MARCHF4: variants seen among roughly 807,000 people sequenced by gnomAD.
MARCHF4 encodes membrane associated ring-CH-type finger 4, also known as E3 ubiquitin-protein ligase MARCHF4.
Under a neutral mutation model 43.9 loss-of-function variants are expected in MARCHF4, and 14 were observed. That is an observed-to-expected ratio of 0.32 (90% confidence interval 0.21 to 0.50). The LOEUF is 0.50. Ranked by LOEUF, MARCHF4 falls within the 20% of genes least tolerant of loss-of-function variation. The pLI is 0.98. For missense variants in MARCHF4, 468 were observed against 536.7 expected, an observed-to-expected ratio of 0.87 and a Z score of 1.27; for synonymous variants, 226 against 213.3, an observed-to-expected ratio of 1.06 and a Z score of -0.52.
intron 1 of MARCHF4, among the ~76,000 whole-genome samples, chr2:216,348,732 T>C (rs1044313090): frequency 1.3e-5 from 2 of 152,234 alleles, no homozygotes; most frequent in Non-Finnish European, 2.9e-5. Context: ...TTGCCCTGAA[T>C]TATTTCTTGC....
chr2:216,326,091 A>C (rs1410225162), intron 1 of MARCHF4, among the ~76,000 whole-genome samples: 1 of 144,432 alleles, frequency 6.9e-6, no homozygotes, highest in African/African-American at 2.5e-5. Context: ...CAGAATCTAC[A>C]ATGAACTCAA....
chr2:216,335,078 A>G (rs958236534), intron 1 of MARCHF4, among the ~76,000 whole-genome samples: 2 of 152,232 alleles, frequency 1.3e-5, no homozygotes, highest in Non-Finnish European at 2.9e-5. Context: ...CAGAAAATCT[A>G]TATAGCTCAC....
At chr2:216,350,294 C>G in intron 1 of MARCHF4, among the ~76,000 whole-genome samples, 1 of 130,832 alleles carries the variant, frequency 7.6e-6, no homozygotes, top group Middle Eastern at 3.8e-3. Flanking sequence ...CTGTGCTACA[C>G]CCCCTCACTG....
At chr2:216,277,939 G>T in intron 2 of MARCHF4, 75 bp from the exon 3 acceptor site, 1 of 1,332,552 alleles carries the variant, frequency 7.5e-7, no homozygotes, top group Non-Finnish European at 1.0e-6. Flanking sequence ...TCTGTCTGCT[G>T]CTCCAACAGC....
chr2:216,318,711 G>A (rs1270460228), intron 1 of MARCHF4, among the ~76,000 whole-genome samples: 1 of 152,118 alleles, frequency 6.6e-6, no homozygotes, highest in African/African-American at 2.4e-5. Flanking sequence ...TCAGAGAGGT[G>A]CCAGGGGCTC....
At chr2:216,337,725 T>C (rs1692179469) in intron 1 of MARCHF4, among the ~76,000 whole-genome samples, 1 of 152,204 alleles carries the variant, frequency 6.6e-6, no homozygotes, top group African/African-American at 2.4e-5. Context: ...GTCTTTCCCT[T>C]CCCTTCTTTA....
intron 1 of MARCHF4, among the ~76,000 whole-genome samples, chr2:216,297,293 C>T (rs1404153315): frequency 6.6e-6 from 1 of 152,182 alleles, no homozygotes; most frequent in Admixed American, 6.5e-5. Flanking sequence ...AGACTGCCTA[C>T]CCCCAGTCCT....
chr2:216,306,590 T>C (rs982749099), intron 1 of MARCHF4, among the ~76,000 whole-genome samples: 2 of 152,218 alleles, frequency 1.3e-5, no homozygotes, highest in Non-Finnish European at 2.9e-5. Flanking sequence ...TGAATACTTC[T>C]AAATATCATC....
chr2:216,300,317 CAT>C (rs368343136), intron 1 of MARCHF4, among the ~76,000 whole-genome samples: 1 of 140,410 alleles, frequency 7.1e-6, no homozygotes, highest in East Asian at 2.0e-4. Context: ...TATATATGTG[CAT>C]ATATATATGT....
rs1037035824 is a variant in MARCHF4 at position 216,257,908 on chromosome 2, T to C, written c.*1404A>G. On this transcript the variant is annotated 3_prime_UTR_variant, in exon 4 of 4. Transcript: ENST00000273067. ...TATTTTCAAGCTTTTAAGAGAATAT[T>C]ACAAACAACAGAGAGTTTTAAAAAA... is the stretch of plus-strand genomic sequence containing the variant. The C allele has an allele frequency of 5.9e-5, 9 of 151,912 alleles. No homozygotes were observed. Among genetic ancestry groups the C allele is most frequent in the African/African-American group, 9.7e-5 (4 of 41,340 alleles). 9.4% of individuals were successfully genotyped at this position (151,912 alleles called of 1,614,324 possible).
chr2:216,340,452 A>T (rs1329964374), intron 1 of MARCHF4, among the ~76,000 whole-genome samples: 5 of 152,208 alleles, frequency 3.3e-5, no homozygotes, highest in Non-Finnish European at 7.4e-5. Flanking sequence ...AAGGGAGAGG[A>T]AGAGGCCTGG....
chr2:216,286,738 T>G (rs1691224510), intron 1 of MARCHF4, among the ~76,000 whole-genome samples: 1 of 152,208 alleles, frequency 6.6e-6, no homozygotes, highest in Non-Finnish European at 1.5e-5. Context: ...AAGCCCATCA[T>G]CTTTTTAGTG....
intron 1 of MARCHF4, among the ~76,000 whole-genome samples, chr2:216,321,952 T>C (rs889601671): frequency 1.3e-5 from 2 of 152,224 alleles, no homozygotes; most frequent in Non-Finnish European, 2.9e-5. Context: ...CCAGCTACTC[T>C]TCTCCAATGA....
At chr2:216,342,408 G>A (rs1428066805) in intron 1 of MARCHF4, among the ~76,000 whole-genome samples, 2 of 152,212 alleles carry the variant, frequency 1.3e-5, no homozygotes, top group African/African-American at 4.8e-5. Flanking sequence ...CTGTCTCCAA[G>A]GAGGAGAGAA....
intron 1 of MARCHF4, among the ~76,000 whole-genome samples, chr2:216,300,995 T>C (rs1223946631): frequency 1.3e-5 from 2 of 152,202 alleles, no homozygotes; most frequent in Non-Finnish European, 2.9e-5. Flanking sequence ...AATGTGGCTT[T>C]GGGGATAGGA....
intron 1 of MARCHF4, among the ~76,000 whole-genome samples, chr2:216,325,744 AC>A (rs1288211050): frequency 3.6e-4 from 54 of 150,650 alleles, no homozygotes; most frequent in African/African-American, 1.3e-3. Context: ...TGCTGGGAAA[AC>A]TGGCTAGCCA....
rs1691125327 is a variant in MARCHF4, at chr2:216,281,395, C to T, written c.672+2179G>A. Among the ~76,000 whole-genome samples the T allele has an allele frequency of 2.0e-5, 3 of 152,182 alleles. No individual in the cohort carries two copies. The South Asian group carries it at 6.2e-4, about 32-fold the overall frequency. ...TCATGACTCTGTCTGGGGCATGAAC[C>T]AGGAGGTAAGAGAACCAGGAGACCT... On this transcript the variant is annotated intron_variant, in intron 2 of 3. Transcript: ENST00000273067.
intron 1 of MARCHF4, among the ~76,000 whole-genome samples, chr2:216,313,242 G>C (rs1160857341): frequency 1.3e-5 from 2 of 151,914 alleles, no homozygotes; most frequent in Admixed American, 6.6e-5. Context: ...GATCTATGTT[G>C]ATAAAACAAT....
At chr2:216,365,403 C>T (rs1692649198) in intron 1 of MARCHF4, among the ~76,000 whole-genome samples, 1 of 152,218 alleles carries the variant, frequency 6.6e-6, no homozygotes, top group South Asian at 2.1e-4. Context: ...TTCTGACTGC[C>T]ATGGTGGATT....
Sources: allele counts gnomAD v4.1 joint callset (sites outside exome capture counted in the v4.1 genomes callset), GRCh38; gene constraint gnomAD v4.1.1; transcripts MANE v1.5; gene names NCBI Gene and HGNC (gene_info 2026-07-23, HGNC 2026-07-21).